The following SLC14A2 variants were observed in gnomAD, a reference collection of about 807,000 sequenced individuals.
SLC14A2 encodes the protein urea transporter 2.
SLC14A2 carries 91 observed loss-of-function variants against 104.6 expected under a neutral mutation model. The observed-to-expected ratio is 0.87, with a 90% CI of 0.73 to 1.04. The LOEUF (loss-of-function observed/expected upper bound fraction) is 1.04, where lower values mean the gene tolerates loss of function less well. Ranked by LOEUF, SLC14A2 falls within the 50% of genes least tolerant of loss-of-function variation. The pLI is 0.00. For missense variants in SLC14A2, 1,189 were observed against 1,156.0 expected (o/e 1.03, Z -0.41); for synonymous variants, 476 against 466.4 (o/e 1.02, Z -0.27).
At chr18:45,670,006 T>C (rs1568003382) in intron 16 of SLC14A2, among the ~76,000 whole-genome samples, 1 of 152,204 alleles carries the variant, frequency 6.6e-6, no homozygotes, top group Non-Finnish European at 1.5e-5. Flanking sequence ...CACATGCCTA[T>C]AGTCCCAGCT....
At chr18:45,586,198 A>T (rs2044564781) in intron 2 of SLC14A2, among the ~76,000 whole-genome samples, 1 of 152,140 alleles carries the variant, frequency 6.6e-6, no homozygotes, top group Non-Finnish European at 1.5e-5. Flanking sequence ...AGGGAGTGTC[A>T]CTCTAGGTGA....
At chr18:45,359,423 C>A (rs537942135) in intron 1 of SLC14A2, among the ~76,000 whole-genome samples, 6 of 152,204 alleles carry the variant, frequency 3.9e-5, no homozygotes, top group Admixed American at 2.6e-4. Flanking sequence ...AATGTCTAAC[C>A]CTGTGGTGCC....
chr18:45,627,491 A>G (rs1045133358), intron 4 of SLC14A2, among the ~76,000 whole-genome samples: 4 of 152,208 alleles, frequency 2.6e-5, no homozygotes, highest in African/African-American at 9.7e-5. Flanking sequence ...ACAGTATATA[A>G]TTGAGTTCAG....
chr18:45,546,424 T>C (rs2043970025), intron 2 of SLC14A2, among the ~76,000 whole-genome samples: 1 of 152,238 alleles, frequency 6.6e-6, no homozygotes, highest in Non-Finnish European at 1.5e-5. Flanking sequence ...GTTGAATCGA[T>C]GCAAACGAAA....
chr18:45,362,099 C>T (rs1353972895), intron 1 of SLC14A2, among the ~76,000 whole-genome samples: 8 of 152,218 alleles, frequency 5.3e-5, no homozygotes, highest in Non-Finnish European at 1.2e-4. Context: ...TGAGTTCTCA[C>T]AAGATATCAT....
the SLC14A2 span, among the ~76,000 whole-genome samples, chr18:45,207,790 G>A: frequency 1.3e-5 from 2 of 151,098 alleles, no homozygotes; most frequent in South Asian, 4.2e-4. Context: ...TTCTAGTATT[G>A]CATTTTTTTT....
chr18:45,447,977 A>G (rs2086796745), intron 1 of SLC14A2, among the ~76,000 whole-genome samples: 1 of 152,248 alleles, frequency 6.6e-6, no homozygotes. Flanking sequence ...TCTGCACCTT[A>G]ACAGTGTTGT....
At chr18:45,621,220 C>G (rs899493054) in intron 1 of SLC14A2, among the ~76,000 whole-genome samples, 7 of 152,350 alleles carry the variant, frequency 4.6e-5, no homozygotes, top group Non-Finnish European at 1.0e-4. Context: ...TCACTGTCTC[C>G]TAAACCTTTC....
chr18:45,192,235 C>A, the SLC14A2 span, among the ~76,000 whole-genome samples: 4 of 152,028 alleles, frequency 2.6e-5, no homozygotes, highest in Non-Finnish European at 5.9e-5. Flanking sequence ...GGCATATATT[C>A]AAAATATTAT....
At chr18:45,446,116 A>C (rs2086765147) in intron 1 of SLC14A2, among the ~76,000 whole-genome samples, 1 of 152,222 alleles carries the variant, frequency 6.6e-6, no homozygotes, top group Non-Finnish European at 1.5e-5. Flanking sequence ...ATATGAGATA[A>C]TGTAAGTGAA....
intron 1 of SLC14A2, among the ~76,000 whole-genome samples, chr18:45,258,615 A>G (rs1266114411): frequency 7.0e-6 from 1 of 143,152 alleles, no homozygotes; most frequent in Non-Finnish European, 1.5e-5. Flanking sequence ...TCCTGACATA[A>G]TAAGTGCAAA....
At chr18:45,663,396 C>T (rs1826699137) in intron 10 of SLC14A2, among the ~76,000 whole-genome samples, 3 of 152,098 alleles carry the variant, frequency 2.0e-5, no homozygotes, top group Admixed American at 2.0e-4. Context: ...TTTAAAGCAC[C>T]TGGGTGATTC....
intron 10 of SLC14A2, among the ~76,000 whole-genome samples, chr18:45,661,768 G>A (rs561475974): frequency 1.3e-5 from 2 of 152,298 alleles, no homozygotes; most frequent in African/African-American, 2.4e-5. Flanking sequence ...ATGGGAGAAC[G>A]CCCCACTTGG....
intron 2 of SLC14A2, chr18:45,492,015 T>A (rs1211716557): frequency 6.6e-6 from 1 of 152,230 alleles, no homozygotes; most frequent in Admixed American, 6.5e-5. Context: ...CTCTGCCACA[T>A]CCCCAGGACT....
chr18:45,669,254 T>G (rs897016836), intron 15 of SLC14A2, 52 bp from the exon 16 acceptor site: 80 of 1,472,822 alleles, frequency 5.4e-5, no homozygotes, highest in Non-Finnish European at 7.1e-5. Flanking sequence ...CACAGTCTAG[T>G]GTTATGACCA....
chr18:45,414,492 CCTACCTA>C (rs1182026653), intron 1 of SLC14A2, among the ~76,000 whole-genome samples: 4 of 151,908 alleles, frequency 2.6e-5, no homozygotes, highest in African/African-American at 9.7e-5. Flanking sequence ...CTTCTCTCTT[CCTACCTA>C]TCCATCCATG....
intron 1 of SLC14A2, among the ~76,000 whole-genome samples, chr18:45,226,608 G>A (rs2084120267): frequency 7.2e-6 from 1 of 138,568 alleles, no homozygotes; most frequent in Admixed American, 8.2e-5. Context: ...TCATAGGTGG[G>A]AATTGAACAA....
At chr18:45,195,458 C>A in the SLC14A2 span, among the ~76,000 whole-genome samples, 1 of 152,122 alleles carries the variant, frequency 6.6e-6, no homozygotes, top group Non-Finnish European at 1.5e-5. Context: ...GTGGTGCGAT[C>A]TTGGCTCACC....
chr18:45,491,783 CA>C (rs2043006698), intron 2 of SLC14A2, among the ~76,000 whole-genome samples: 1 of 152,060 alleles, frequency 6.6e-6, no homozygotes, highest in Non-Finnish European at 1.5e-5. Context: ...ACACACACAC[CA>C]AGATAGTTCT....
Sources: gnomAD v4.1 joint callset for allele counts (sites outside exome capture counted in the v4.1 genomes callset) on GRCh38, gnomAD v4.1.1 for gene constraint, MANE v1.5 for transcripts, NCBI Gene and HGNC (gene_info 2026-07-23, HGNC 2026-07-21) for gene names.